The following NINL variants were observed in gnomAD, a reference collection of about 807,000 sequenced individuals.
The protein encoded by NINL is ninein like.
Under a neutral mutation model 160.3 loss-of-function variants are expected in NINL, and 153 were observed. The ratio of observed to expected loss-of-function variants is 0.95; its 90% CI spans 0.84 to 1.09. NINL has a LOEUF of 1.09. Ranked by LOEUF, NINL falls within the 50% of genes least tolerant of loss-of-function variation. The pLI, the probability that NINL is intolerant of heterozygous loss-of-function variation, is 0.00. For synonymous variants in NINL, 800 were observed against 734.8 expected (o/e 1.09, Z -1.43); for missense variants, 1,829 against 1,764.0 (o/e 1.04, Z -0.66).
rs148348160 is a variant in NINL, at chr20:25,481,973, G to A, written c.1805C>T (p.Pro602Leu). 107 of 1,596,854 alleles carry A rather than the reference G, an allele frequency of 6.7e-5. No individual in the cohort carries two copies. The highest frequency in any genetic ancestry group is 3.3e-4 in the Middle Eastern group (2 of 5,992). ...GRRRQLPGLG[P>L]AGISFLGNSA... ...TCCCAGGGACGGGCTCCTACCTGCT[G>A]GGCCGAGTCCAGGGAGCTGCCGTCT... The change falls in exon 14 of 24, where the codon CCA becomes CTA. Residue 602 changes from proline to leucine, a missense_variant. Coordinates refer to ENST00000278886, the MANE Select transcript of NINL (RefSeq NM_025176.6).
At chr20:25,505,188 G>A (rs2063939460) in intron 5 of NINL, 110 bp from the exon 6 acceptor site, 6 of 1,014,496 alleles carry the variant, frequency 5.9e-6, no homozygotes, top group East Asian at 2.7e-5. Context: ...AATGAATGTG[G>A]AGGACATTAC....
At chr20:25,563,338 C>A (rs78013731) in intron 1 of NINL, among the ~76,000 whole-genome samples, 12 of 152,116 alleles carry the variant, frequency 7.9e-5, no homozygotes, top group African/African-American at 2.9e-4. Context: ...TCAAGTGGCA[C>A]AATATTATTT....
At chr20:25,456,432 C>CA (rs986046342) in intron 22 of NINL, among the ~76,000 whole-genome samples, 1 of 151,548 alleles carries the variant, frequency 6.6e-6, no homozygotes, top group Non-Finnish European at 1.5e-5. Context: ...CCTGTAGTCC[C>CA]AGCTACTCGG....
At chr20:25,523,149 T>C (rs2064293441) in intron 2 of NINL, among the ~76,000 whole-genome samples, 1 of 152,166 alleles carries the variant, frequency 6.6e-6, no homozygotes. Context: ...CTGCATTGTT[T>C]AGGAAATAGT....
intron 21 of NINL, among the ~76,000 whole-genome samples, chr20:25,459,277 G>C (rs966875686): frequency 3.9e-5 from 6 of 152,116 alleles, no homozygotes; most frequent in African/African-American, 7.2e-5. Context: ...AAGAGGGAAG[G>C]CAACACCCTG....
rs529032282 is a variant in NINL at position 25,495,102 on chromosome 20, A to T, written c.1310+1561T>A. On this transcript the variant is annotated intron_variant, in intron 10 of 23. Transcript: ENST00000278886. ...CTGGTGCACACAGGAGACACACCAC[A>T]GCTGTCTTCACCAACCAAACTCACT... Among the ~76,000 whole-genome samples the T allele has an allele frequency of 2.0e-5, 3 of 152,278 alleles. No individual in the cohort carries two copies. The South Asian group carries it at 6.2e-4, about 32-fold the overall frequency.
intron 1 of NINL, among the ~76,000 whole-genome samples, chr20:25,554,734 G>C (rs955633283): frequency 1.3e-5 from 2 of 151,908 alleles, no homozygotes; most frequent in Non-Finnish European, 2.9e-5. Context: ...TTGGGCCCAG[G>C]AGGTCAAGGC....
chr20:25,572,380 G>C (rs1303535799), intron 1 of NINL, among the ~76,000 whole-genome samples: 2 of 152,088 alleles, frequency 1.3e-5, no homozygotes. Flanking sequence ...CCACTGGAGA[G>C]GTGTCTCTAC....
chr20:25,491,238 T>G, intron 11 of NINL, 113 bp downstream of exon 11: 1 of 1,323,300 alleles, frequency 7.6e-7, no homozygotes, highest in East Asian at 2.4e-5. Flanking sequence ...CCCTGAAACA[T>G]AAGCTTGAGG....
intron 1 of NINL, among the ~76,000 whole-genome samples, chr20:25,577,045 AG>A (rs2065123240): frequency 6.6e-6 from 1 of 152,214 alleles, no homozygotes; most frequent in Admixed American, 6.5e-5. Flanking sequence ...AAATCAGTAC[AG>A]GCCATTAATG....
chr20:25,555,800 A>AAGT (rs772686312), intron 1 of NINL, among the ~76,000 whole-genome samples: 1 of 152,082 alleles, frequency 6.6e-6, no homozygotes, highest in African/African-American at 2.4e-5. Flanking sequence ...TCAGCCTCCC[A>AAGT]AGTACGTAGG....
intron 17 of NINL, among the ~76,000 whole-genome samples, chr20:25,473,871 A>AAAAT (rs533920615): frequency 7.0e-4 from 107 of 152,298 alleles, no homozygotes; most frequent in South Asian, 5.2e-3. Context: ...CCGTCTCAAA[A>AAAAT]AAATAAATAA....
rs2062813404 is a variant in NINL at position 25,462,391 on chromosome 20, G to A, written c.3574C>T (p.Gln1192Ter). The A allele has an allele frequency of 6.2e-7, 1 of 1,609,622 alleles. No individual in the cohort carries two copies. Residue 1192 changes from glutamine to a stop codon, truncating the protein, a stop_gained, in exon 20 of 24, where the codon CAG becomes TAG. Transcript: ENST00000278886. LOFTEE classifies it high-confidence loss of function. The part of the protein sequence containing the change: ...QSLEEVVRSG[Q>*]QQSDQIQKLR... ...CGGCTGAGGCCACCCACCTGCTGCT[G>A]CCCACTGCGAACCACCTCCTCCAGG...
rs1457617553 is a variant in NINL, at chr20:25,478,260, TTC to T, written c.2201+661_2201+662del. Among the ~76,000 whole-genome samples, 4 of 152,140 alleles carry T rather than the reference TTC, an allele frequency of 2.6e-5. No individual in the cohort carries two copies. The East Asian group carries it at 5.8e-4, about 22-fold the overall frequency. ...ACCGCATCCGGCCGGAAAGATGACT[TTC>T]TGTCAGGCTGGGGGTGGCCTGGCCA... On this transcript the variant is annotated intron_variant, in intron 16 of 23. Transcript: ENST00000278886.
chr20:25,555,586 C>T (rs1056871494), intron 1 of NINL, among the ~76,000 whole-genome samples: 4 of 152,166 alleles, frequency 2.6e-5, no homozygotes, highest in African/African-American at 9.7e-5. Flanking sequence ...ACACATCAGG[C>T]CAGACGTGGT....
intron 2 of NINL, among the ~76,000 whole-genome samples, chr20:25,524,901 T>TAA (rs1413852348): frequency 1.1e-4 from 14 of 124,678 alleles, no homozygotes; most frequent in Non-Finnish European, 2.0e-4. Flanking sequence ...AGACTCAAAT[T>TAA]AAAATATATA....
intron 17 of NINL, among the ~76,000 whole-genome samples, chr20:25,475,073 G>A (rs901114166): frequency 1.3e-4 from 19 of 151,720 alleles, no homozygotes; most frequent in African/African-American, 3.1e-4. Flanking sequence ...ATGAACCACC[G>A]TGCCCTAGTT....
At chr20:25,462,076 A>G (rs554525848) in intron 20 of NINL, among the ~76,000 whole-genome samples, 1 of 152,354 alleles carries the variant, frequency 6.6e-6, no homozygotes, top group Admixed American at 6.5e-5. Flanking sequence ...GAACATCCCC[A>G]TCGGAATCGT....
intron 13 of NINL, among the ~76,000 whole-genome samples, chr20:25,483,638 T>C (rs2063445976): frequency 6.6e-6 from 1 of 152,264 alleles, no homozygotes; most frequent in Non-Finnish European, 1.5e-5. Flanking sequence ...GCGGGAAGGC[T>C]AGGACACCAT....
Sources: allele counts gnomAD v4.1 joint callset (sites outside exome capture counted in the v4.1 genomes callset), GRCh38; gene constraint gnomAD v4.1.1; transcripts MANE v1.5; gene names NCBI Gene and HGNC (gene_info 2026-07-23, HGNC 2026-07-21).